TRIM24: variants seen among roughly 807,000 people sequenced by gnomAD.
TRIM24 encodes the protein transcription intermediary factor 1-alpha.
TRIM24 carries 29 observed loss-of-function variants against 123.9 expected under a neutral mutation model. That is an observed-to-expected ratio of 0.23 (90% CI 0.17 to 0.32). The LOEUF (loss-of-function observed/expected upper bound fraction) is 0.32, where lower values mean the gene tolerates loss of function less well. Among genes scored for constraint, TRIM24 ranks in the 10% least tolerant of loss-of-function variants. The pLI is 1.00. For missense variants in TRIM24, 932 were observed against 1,295.3 expected, an observed-to-expected ratio of 0.72 and a Z score of 4.31; for synonymous variants, 456 against 461.1, an observed-to-expected ratio of 0.99 and a Z score of 0.14.
At chr7:138,461,982 G>C (rs1408215068) in intron 1 of TRIM24, among the ~76,000 whole-genome samples, 1 of 152,206 alleles carries the variant, frequency 6.6e-6, no homozygotes, top group Non-Finnish European at 1.5e-5. Context: ...ACTTGTAGGA[G>C]ACAGTTTTCC....
At chr7:138,528,564 G>A (rs905740204) in intron 5 of TRIM24, among the ~76,000 whole-genome samples, 3 of 151,634 alleles carry the variant, frequency 2.0e-5, no homozygotes, top group Admixed American at 2.0e-4. Flanking sequence ...GTATGTGGTT[G>A]ATAAAACATA....
At chr7:138,584,697 CAA>C (rs755014506) in intron 18 of TRIM24, 43 bp from the exon 19 acceptor site, 36 of 1,462,264 alleles carry the variant, frequency 2.5e-5, no homozygotes, top group Non-Finnish European at 2.9e-5. Flanking sequence ...TCTCAGAAGT[CAA>C]AAGTGTGTCC....
Position 138,550,757 on chromosome 7 carries a change from G to A in TRIM24, c.1144-306G>A, listed in dbSNP as rs146466954. ...AAGAGAGTAAGTAAAATAAATGAAA[G>A]CATTAAGATACATTAATAATTTTTA... On this transcript the variant is annotated intron_variant, in intron 7 of 18. Transcript: ENST00000343526. Among the ~76,000 whole-genome samples, 1,028 of 152,232 alleles carry A rather than the reference G, an allele frequency of 6.8e-3. 7 individuals are homozygous for A. The highest frequency in any genetic ancestry group is 0.012 in the Non-Finnish European group (799 of 68,006).
intron 9 of TRIM24, among the ~76,000 whole-genome samples, chr7:138,557,910 C>T (rs764274099): frequency 4.0e-5 from 6 of 151,806 alleles, no homozygotes; most frequent in East Asian, 3.9e-4. Context: ...TTCCATCTTC[C>T]GCCCAGGTGG....
At chr7:138,517,083 C>G (rs112009851) in intron 3 of TRIM24, among the ~76,000 whole-genome samples, 47 of 150,276 alleles carry the variant, frequency 3.1e-4, no homozygotes, top group Non-Finnish European at 2.4e-4. Context: ...TCCGTCTGCG[C>G]GACAGTGTGA....
intron 1 of TRIM24, among the ~76,000 whole-genome samples, chr7:138,481,541 C>T (rs112628787): frequency 0.037 from 5,582 of 152,054 alleles, 149 homozygotes; most frequent in Middle Eastern, 0.088. Flanking sequence ...CTGGGCTGGG[C>T]GCTGTAGCTC....
At chr7:138,473,158 T>C (rs1227670906) in intron 1 of TRIM24, among the ~76,000 whole-genome samples, 1 of 152,168 alleles carries the variant, frequency 6.6e-6, no homozygotes, top group African/African-American at 2.4e-5. Context: ...CATGTGCCTG[T>C]AGTTCCAGCT....
At position 138,585,539 on chromosome 7, in the gene TRIM24, G is replaced by C. The variant is rs1478210256; in HGVS notation, c.*588G>C. On this transcript the variant is annotated 3_prime_UTR_variant, in exon 19 of 19. Transcript: ENST00000343526. The stretch of plus-strand genomic sequence containing the variant: ...GATGCTATTAAGAAGGCACTTAATA[G>C]TACATCATGTAAGATGGCAACTGTA... 4 of 354,248 alleles carry C rather than the reference G, an allele frequency of 1.1e-5. No individual in the cohort carries two copies. The highest frequency in any genetic ancestry group is 2.1e-5 in the Non-Finnish European group (4 of 186,988). The allele number at this position is 354,248 out of a possible 1,614,324, so 21.9% of individuals were successfully genotyped here.
chr7:138,582,172 A>G (rs2116694457), intron 17 of TRIM24, among the ~76,000 whole-genome samples: 1 of 152,348 alleles, frequency 6.6e-6, no homozygotes, highest in African/African-American at 2.4e-5. Context: ...AAATAAGTAG[A>G]CGTTACCAAT....
intron 1 of TRIM24, among the ~76,000 whole-genome samples, chr7:138,465,044 AC>A (rs1795105584): frequency 6.6e-6 from 1 of 152,246 alleles, no homozygotes; most frequent in African/African-American, 2.4e-5. Context: ...CATTTTTCTT[AC>A]AAAAGTAAAC....
At chr7:138,501,748 G>A (rs1328136940) in intron 1 of TRIM24, among the ~76,000 whole-genome samples, 1 of 151,856 alleles carries the variant, frequency 6.6e-6, no homozygotes, top group East Asian at 2.0e-4. Context: ...TTAGCCGGCT[G>A]TGGTGGCACG....
chr7:138,540,079 C>G (rs1206996657), intron 7 of TRIM24, among the ~76,000 whole-genome samples: 1 of 152,128 alleles, frequency 6.6e-6, no homozygotes, highest in African/African-American at 2.4e-5. Flanking sequence ...GGATTACAGG[C>G]GTGAACCACT....
intron 1 of TRIM24, among the ~76,000 whole-genome samples, chr7:138,480,243 C>T (rs910862752): frequency 6.6e-6 from 1 of 152,176 alleles, no homozygotes; most frequent in Admixed American, 6.5e-5. Flanking sequence ...GGAATACAGG[C>T]GTGAGGCACT....
At chr7:138,473,310 A>G (rs985250215) in intron 1 of TRIM24, among the ~76,000 whole-genome samples, 19 of 152,290 alleles carry the variant, frequency 1.2e-4, no homozygotes, top group African/African-American at 4.6e-4. Context: ...TCCTTAAGTT[A>G]AACTTCATTT....
intron 6 of TRIM24, among the ~76,000 whole-genome samples, chr7:138,537,979 C>T (rs1241549382): frequency 6.6e-6 from 1 of 152,180 alleles, no homozygotes; most frequent in African/African-American, 2.4e-5. Flanking sequence ...AACCCAAGTT[C>T]AGTGTGCTCT....
chr7:138,463,675 C>T (rs1795063604), intron 1 of TRIM24, among the ~76,000 whole-genome samples: 2 of 152,116 alleles, frequency 1.3e-5, no homozygotes, highest in South Asian at 4.1e-4. Context: ...GTAAAGTTAT[C>T]ATCCTCAATT....
chr7:138,583,182 T>C (rs1355806775), intron 17 of TRIM24, among the ~76,000 whole-genome samples: 1 of 152,208 alleles, frequency 6.6e-6, no homozygotes, highest in Non-Finnish European at 1.5e-5. Context: ...TCAAAGTCCT[T>C]CTTCCTCTTG....
chr7:138,521,575 C>A (rs1409001259), intron 4 of TRIM24, among the ~76,000 whole-genome samples: 2 of 152,024 alleles, frequency 1.3e-5, no homozygotes, highest in Admixed American at 1.3e-4. Context: ...TATAATGAGA[C>A]CTTGGTAAGT....
At position 138,585,043 on chromosome 7, in the gene TRIM24, G is replaced by GTCACAAACTCTTCT; in HGVS notation, c.*93_*94insCACAAACTCTTCTT. 2.7e-6 allele frequency: 3 copies of GTCACAAACTCTTCT among 1,123,986 alleles called. No homozygotes were observed. The highest frequency in any genetic ancestry group is 3.8e-6 in the Non-Finnish European group (3 of 795,882). 69.6% of individuals were successfully genotyped at this position (1,123,986 alleles called of 1,614,324 possible). A position where few individuals can be genotyped will look rare whatever the true frequency, so the allele number is the denominator to read the frequency against. Reference sequence around the variant, plus strand: ...ATTTAACATCACTACAAAAAGAAGAGTTTGTGACTATTCTCATCTCTGTTT... The same window carrying GTCACAAACTCTTCT: ...ATTTAACATCACTACAAAAAGAAGAGTCACAAACTCTTCTTTTGTGACTATTCTCATCTCTGTTT... On this transcript the variant is annotated 3_prime_UTR_variant, in exon 19 of 19. Transcript: ENST00000343526.
Sources: allele counts gnomAD v4.1 joint callset (sites outside exome capture counted in the v4.1 genomes callset), GRCh38; gene constraint gnomAD v4.1.1; transcripts MANE v1.5; gene names NCBI Gene and HGNC (gene_info 2026-07-23, HGNC 2026-07-21).